PCNX2: variants seen among roughly 807,000 people sequenced by gnomAD.
PCNX2 encodes the protein pecanex 2, also known as pecanex-like protein 2.
In PCNX2, 168 loss-of-function variants were observed where a neutral mutation model predicts 223.8. The ratio of observed to expected loss-of-function variants is 0.75; its 90% CI spans 0.66 to 0.85. PCNX2 has a LOEUF of 0.85. PCNX2 is among the 40% of genes least tolerant of loss of function. PCNX2 has a pLI of 0.00. For synonymous variants in PCNX2, 1,006 were observed against 1,052.6 expected (o/e 0.96, Z 0.86); for missense variants, 2,507 against 2,675.5 (o/e 0.94, Z 1.39).
intron 19 of PCNX2, among the ~76,000 whole-genome samples, chr1:233,154,457 T>C (rs941391260): frequency 6.6e-5 from 10 of 152,206 alleles, no homozygotes; most frequent in South Asian, 4.1e-4. Flanking sequence ...CTTTTCAGTA[T>C]GGCACAGAGG....
intron 23 of PCNX2, among the ~76,000 whole-genome samples, chr1:233,069,716 T>C (rs191013641): frequency 3.3e-5 from 5 of 151,958 alleles, no homozygotes; most frequent in African/African-American, 1.2e-4. Context: ...AATAAAGATA[T>C]CAAGATTTGT....
intron 23 of PCNX2, among the ~76,000 whole-genome samples, chr1:233,084,850 A>G (rs1258377293): frequency 6.6e-6 from 1 of 152,218 alleles, no homozygotes; most frequent in Non-Finnish European, 1.5e-5. Context: ...ACTATTATAC[A>G]CTGCATTTGC....
At chr1:233,262,197 A>C in intron 2 of PCNX2, 32 bp from the exon 3 acceptor site, 1 of 1,611,884 alleles carries the variant, frequency 6.2e-7, no homozygotes, top group Non-Finnish European at 8.5e-7. Context: ...AAGAGCAGTG[A>C]GCGATATTAT....
At chr1:233,114,490 T>C (rs1675294338) in intron 21 of PCNX2, among the ~76,000 whole-genome samples, 1 of 152,174 alleles carries the variant, frequency 6.6e-6, no homozygotes, top group African/African-American at 2.4e-5. Flanking sequence ...GGTGAGTCAT[T>C]ACAGGGTTTT....
intron 23 of PCNX2, among the ~76,000 whole-genome samples, chr1:233,059,514 C>T (rs1672325681): frequency 6.6e-6 from 1 of 152,138 alleles, no homozygotes; most frequent in African/African-American, 2.4e-5. Flanking sequence ...AGAATATGAC[C>T]TAGGGAGGCT....
intron 1 of PCNX2, among the ~76,000 whole-genome samples, chr1:233,263,541 C>T (rs1002212949): frequency 2.0e-5 from 3 of 151,324 alleles, no homozygotes; most frequent in African/African-American, 2.4e-5. Flanking sequence ...CTGCAACCTC[C>T]GCCTCCCGGG....
chr1:233,169,570 G>A (rs565046265), intron 17 of PCNX2, among the ~76,000 whole-genome samples: 15 of 149,690 alleles, frequency 1.0e-4, no homozygotes, highest in Admixed American at 3.4e-4. Flanking sequence ...GCGTGAACCC[G>A]GGAGGCGGAG....
intron 1 of PCNX2, among the ~76,000 whole-genome samples, chr1:233,267,673 C>CCA (rs1192324377): frequency 2.6e-5 from 4 of 152,142 alleles, no homozygotes; most frequent in African/African-American, 7.2e-5. Context: ...TAAGGCTCAT[C>CCA]CACACTGTAG....
chr1:233,285,969 T>C (rs147665689), intron 1 of PCNX2, among the ~76,000 whole-genome samples: 4 of 152,332 alleles, frequency 2.6e-5, no homozygotes, highest in Non-Finnish European at 4.4e-5. Context: ...GCATAAATGA[T>C]TACACATTTG....
chr1:233,125,431 C>T (rs1243847978), intron 21 of PCNX2, among the ~76,000 whole-genome samples: 3 of 152,252 alleles, frequency 2.0e-5, no homozygotes, highest in East Asian at 3.9e-4. Context: ...AGTCCAATCC[C>T]GGCGGTCTAT....
rs1469156590 is a variant in PCNX2 at position 233,139,543 on chromosome 1, A to G, written c.3659+171T>C. ...TCATTTGCACCCCAGTCATTCTACA[A>G]TAACTGTCTAGCTCCAGTGGGTTTT... On this transcript the variant is annotated intron_variant, in intron 20 of 33. Transcript: ENST00000258229. The surrounding 1 kb of genome is among the most constrained non-coding windows in gnomAD (Gnocchi z 4.4). 6.6e-6 allele frequency among the ~76,000 whole-genome samples: 1 copy of G among 152,188 alleles called. No individual in the cohort carries two copies. The highest frequency in any genetic ancestry group is 1.5e-5 in the Non-Finnish European group (1 of 68,042).
rs963663746 is a variant in PCNX2 at position 232,999,859 on chromosome 1, A to G, written c.5328+446T>C. On this transcript the variant is annotated intron_variant, in intron 30 of 33. Transcript: ENST00000258229. ...TGATGCCATCTTCATGGGGAAACTG[A>G]GAGAGAATGCAGAGAAAGTAGTTTT... is the stretch of plus-strand genomic sequence containing the variant. 3.3e-5 allele frequency among the ~76,000 whole-genome samples: 5 copies of G among 152,320 alleles called. No individual in the cohort carries two copies. In the South Asian group the frequency reaches 1.0e-3, roughly 32 times the overall value.
chr1:233,028,531 T>G (rs1671160706), intron 25 of PCNX2, among the ~76,000 whole-genome samples: 1 of 152,232 alleles, frequency 6.6e-6, no homozygotes, highest in Admixed American at 6.5e-5. Context: ...TTAATAAAGC[T>G]AATCCAGGTT....
the PCNX2 span, among the ~76,000 whole-genome samples, chr1:233,319,463 G>T: frequency 6.6e-6 from 1 of 152,212 alleles, no homozygotes; most frequent in Non-Finnish European, 1.5e-5. Flanking sequence ...GCATAATCAC[G>T]CTCTGAGCTT....
At chr1:233,083,155 A>G (rs1221522709) in intron 23 of PCNX2, among the ~76,000 whole-genome samples, 1 of 152,188 alleles carries the variant, frequency 6.6e-6, no homozygotes, top group Non-Finnish European at 1.5e-5. Flanking sequence ...CTGAGAACCA[A>G]TTAGATGACC....
At chr1:233,133,212 G>A (rs532639709) in intron 21 of PCNX2, among the ~76,000 whole-genome samples, 2 of 152,198 alleles carry the variant, frequency 1.3e-5, no homozygotes, top group East Asian at 3.9e-4. Context: ...TTTTACATCT[G>A]ATGATAAACT....
chr1:233,130,032 C>T lies in PCNX2; in HGVS notation c.3837+4981G>A, dbSNP rs1402564707. Among the ~76,000 whole-genome samples, 8 of 152,224 alleles carry T rather than the reference C, an allele frequency of 5.3e-5. No individual in the cohort carries two copies. In the East Asian group the frequency reaches 1.5e-3, roughly 29 times the overall value. ...TCTGCAGCTTCACTCCTGAGGCCAG[C>T]CAGACCACGAACCCACCTGCAGGAA... is the stretch of plus-strand genomic sequence containing the variant. On this transcript the variant is annotated intron_variant, in intron 21 of 33. Transcript: ENST00000258229.
At chr1:233,263,285 A>G (rs1025011129) in intron 1 of PCNX2, 122 bp from the exon 2 acceptor site, 4 of 863,426 alleles carry the variant, frequency 4.6e-6, no homozygotes, top group Admixed American at 6.6e-5. Flanking sequence ...AAATTAGACT[A>G]ATTTTTTAAG....
chr1:233,313,848 G>A, the PCNX2 span, among the ~76,000 whole-genome samples: 2 of 152,198 alleles, frequency 1.3e-5, no homozygotes, highest in Non-Finnish European at 2.9e-5. Context: ...TGGGAGACCA[G>A]CTGCCACTAT....
Sources: gnomAD v4.1 joint callset for allele counts (sites outside exome capture counted in the v4.1 genomes callset) on GRCh38, gnomAD v4.1.1 for gene constraint, Gnocchi (gnomAD v3.1) non-coding constraint, MANE v1.5 for transcripts, NCBI Gene and HGNC (gene_info 2026-07-23, HGNC 2026-07-21) for gene names.